The following RBFOX1 variants were observed in gnomAD, a reference collection of about 807,000 sequenced individuals.
RBFOX1 encodes the protein RNA binding fox-1 homolog 1.
In RBFOX1, 8 loss-of-function variants were observed where a neutral mutation model predicts 57.7. The observed-to-expected ratio is 0.14, with a 90% CI of 0.08 to 0.25. RBFOX1 has a LOEUF of 0.25. RBFOX1 is among the 10% of genes least tolerant of loss of function. RBFOX1 has a pLI of 1.00. For synonymous variants in RBFOX1, 326 were observed against 222.4 expected (o/e 1.47, Z -4.15); for missense variants, 611 against 548.5 (o/e 1.11, Z -1.14).
intron 1 of RBFOX1, among the ~76,000 whole-genome samples, chr16:6,049,016 G>A (rs933053423): frequency 6.8e-6 from 1 of 147,204 alleles, no homozygotes; most frequent in Admixed American, 6.8e-5. Context: ...TCATCCTTGT[G>A]CCATTTTGAC....
At chr16:7,627,484 G>A (rs74011143) in intron 10 of RBFOX1, among the ~76,000 whole-genome samples, 3 of 152,132 alleles carry the variant, frequency 2.0e-5, no homozygotes, top group African/African-American at 7.2e-5. Flanking sequence ...ATGTCATCAT[G>A]TGATACAAAT....
intron 3 of RBFOX1, among the ~76,000 whole-genome samples, chr16:6,844,746 T>A (rs373313621): frequency 1.3e-5 from 2 of 152,306 alleles, no homozygotes; most frequent in South Asian, 4.1e-4. Context: ...CATCTAGGTC[T>A]TTGAGGAATT....
chr16:6,467,865 T>G (rs1016070351), intron 2 of RBFOX1, among the ~76,000 whole-genome samples: 5 of 152,234 alleles, frequency 3.3e-5, no homozygotes, highest in African/African-American at 1.2e-4. Context: ...GATGTAAAGT[T>G]ACTGAGTTTG....
In RBFOX1 at chr16:5,887,466, A is replaced by T. The variant is rs548309528; in HGVS notation, c.351+20131A>T. Among the ~76,000 whole-genome samples the T allele has an allele frequency of 9.9e-5, 15 of 152,266 alleles. No homozygotes were observed. In the South Asian group the frequency reaches 2.5e-3, roughly 25 times the overall value. On this transcript the variant is annotated intron_variant, in intron 4 of 19. Transcript: ENST00000641259. ...GCCCAGGCTGGAGTGCAGTGGTGCA[A>T]TCTCAGCTAAGTGCAACCTGCACCT...
intron 3 of RBFOX1, among the ~76,000 whole-genome samples, chr16:5,685,674 C>T (rs2050482729): frequency 1.3e-5 from 2 of 152,132 alleles, no homozygotes; most frequent in African/African-American, 4.8e-5. Flanking sequence ...CAAGCTGAGG[C>T]CATCTCATCC....
intron 3 of RBFOX1, among the ~76,000 whole-genome samples, chr16:5,801,469 C>T (rs1258014027): frequency 1.3e-5 from 2 of 151,822 alleles, no homozygotes; most frequent in African/African-American, 4.8e-5. Context: ...ATTTTTGAGG[C>T]AGTAATATAC....
chr16:7,121,764 A>G (rs1420833139), intron 4 of RBFOX1, among the ~76,000 whole-genome samples: 3 of 152,002 alleles, frequency 2.0e-5, no homozygotes, highest in African/African-American at 7.2e-5. Context: ...AAATTAGGTG[A>G]ATATATCTAA....
chr16:7,063,132 A>T (rs2153749670), intron 4 of RBFOX1, among the ~76,000 whole-genome samples: 1 of 151,844 alleles, frequency 6.6e-6, no homozygotes, highest in Non-Finnish European at 1.5e-5. Context: ...CAGCTAAGAG[A>T]AAGGAGCTCT....
At chr16:6,799,784 T>G (rs1360004303) in intron 3 of RBFOX1, among the ~76,000 whole-genome samples, 5 of 152,078 alleles carry the variant, frequency 3.3e-5, no homozygotes, top group Admixed American at 3.3e-4. Context: ...CCGCTGGACT[T>G]AACACCAGTG....
In RBFOX1 at chr16:7,425,092, G is replaced by GT. The variant is rs562135975; in HGVS notation, c.28-93047dup. Among the ~76,000 whole-genome samples, 786 of 151,998 alleles carry GT rather than the reference G, an allele frequency of 5.2e-3. 4 individuals carry two copies. The highest frequency in any genetic ancestry group is 0.012 in the South Asian group (57 of 4,798). ...ATCAAGTACTCATTTTTTAAAATAT[G>GT]TTTTTTTTCCAGGGAAAGGCTTATA... On this transcript the variant is annotated intron_variant, in intron 4 of 15. Coordinates refer to ENST00000550418, the MANE Select transcript of RBFOX1 (RefSeq NM_018723.4).
chr16:7,286,118 G>T (rs559430676), intron 4 of RBFOX1, among the ~76,000 whole-genome samples: 1 of 152,130 alleles, frequency 6.6e-6, no homozygotes, highest in Non-Finnish European at 1.5e-5. Flanking sequence ...AATAAGGAAC[G>T]AATGAGTGAA....
chr16:5,254,931 C>T (rs1291843195), intron 1 of RBFOX1, among the ~76,000 whole-genome samples: 1 of 152,164 alleles, frequency 6.6e-6, no homozygotes, highest in East Asian at 1.9e-4. Context: ...TCTCTGTCCC[C>T]ACTGTTGGGG....
At chr16:5,539,269 C>G (rs2044832944) in intron 2 of RBFOX1, among the ~76,000 whole-genome samples, 1 of 152,002 alleles carries the variant, frequency 6.6e-6, no homozygotes, top group Admixed American at 6.6e-5. Flanking sequence ...ACCTTGTGTC[C>G]CTACTCATTT....
At chr16:5,547,498 C>A (rs969707679) in intron 2 of RBFOX1, among the ~76,000 whole-genome samples, 1 of 152,004 alleles carries the variant, frequency 6.6e-6, no homozygotes, top group Admixed American at 6.6e-5. Context: ...GTGAAAGATG[C>A]CAGATAAAAA....
At chr16:7,299,986 A>T (rs1331912954) in intron 4 of RBFOX1, among the ~76,000 whole-genome samples, 1 of 152,206 alleles carries the variant, frequency 6.6e-6, no homozygotes, top group African/African-American at 2.4e-5. Context: ...AACAAATGTG[A>T]GGCTTATGCA....
intron 4 of RBFOX1, among the ~76,000 whole-genome samples, chr16:5,964,230 C>A (rs1240831098): frequency 6.6e-6 from 1 of 152,098 alleles, no homozygotes; most frequent in Non-Finnish European, 1.5e-5. Flanking sequence ...TGGCTGTTGT[C>A]CAAAGGCCAA....
intron 11 of RBFOX1, among the ~76,000 whole-genome samples, chr16:7,630,986 C>T (rs565130741): frequency 6.6e-6 from 1 of 152,292 alleles, no homozygotes; most frequent in African/African-American, 2.4e-5. Context: ...CATAGCTTTG[C>T]AAATTAATAT....
intron 3 of RBFOX1, among the ~76,000 whole-genome samples, chr16:6,964,966 C>G (rs1292322540): frequency 6.6e-6 from 1 of 152,130 alleles, no homozygotes; most frequent in South Asian, 2.1e-4. Context: ...CACTTAGCAG[C>G]GAGTGTGGCC....
In RBFOX1 at chr16:5,487,843, C is replaced by T. The variant is rs532807787; in HGVS notation, c.258+20589C>T. On this transcript the variant is annotated intron_variant, in intron 2 of 2. Coordinates refer to the RBFOX1 transcript ENST00000585867. ...GAGTGATGATGATGAAGTTGGTGGT[C>T]GTGGGCATGATGATGATGATGTTGA... Among the ~76,000 whole-genome samples the T allele has an allele frequency of 1.5e-4, 23 of 151,514 alleles. No individual in the cohort carries two copies. In the East Asian group the frequency reaches 3.7e-3, roughly 24 times the overall value.
Sources: allele counts gnomAD v4.1 joint callset (sites outside exome capture counted in the v4.1 genomes callset), GRCh38; gene constraint gnomAD v4.1.1; transcripts MANE v1.5; gene names NCBI Gene and HGNC (gene_info 2026-07-23, HGNC 2026-07-21).